Variants in DCLK3 observed in about 807,000 individuals in gnomAD.
DCLK3 encodes doublecortin like kinase 3.
In DCLK3, 30 loss-of-function variants were observed where a neutral mutation model predicts 46.4. The ratio of observed to expected loss-of-function variants is 0.65; its 90% CI spans 0.48 to 0.88. DCLK3 has a LOEUF of 0.88. Ranked by LOEUF, DCLK3 falls within the 40% of genes least tolerant of loss-of-function variation. DCLK3 has a pLI of 0.00. For missense variants in DCLK3, 846 were observed against 907.1 expected, an observed-to-expected ratio of 0.93 and a Z score of 0.87; for synonymous variants, 401 against 339.2, an observed-to-expected ratio of 1.18 and a Z score of -2.00.
intron 1 of DCLK3, among the ~76,000 whole-genome samples, chr3:36,743,191 A>G (rs535103936): frequency 2.8e-4 from 42 of 148,788 alleles, no homozygotes; most frequent in Non-Finnish European, 4.4e-5. Flanking sequence ...ACCAAAGGAA[A>G]TGATCATTGG....
rs945160669 is a variant in DCLK3 at position 36,745,122 on chromosome 3, C to T, written c.83-6038G>A. ...TTAACCAAGTTTCCTGTCTAATTTA[C>T]TTATAATTACTTTTCTCTGTTATAA... On this transcript the variant is annotated intron_variant, in intron 1 of 4. Transcript: ENST00000636136. Among the ~76,000 whole-genome samples the T allele has an allele frequency of 4.7e-4, 72 of 152,176 alleles. 1 individual carries two copies. The highest frequency in any genetic ancestry group is 1.6e-3 in the African/African-American group (67 of 41,452).
At chr3:36,745,402 T>C (rs1701384918) in intron 1 of DCLK3, among the ~76,000 whole-genome samples, 1 of 152,196 alleles carries the variant, frequency 6.6e-6, no homozygotes. Context: ...AGGACTCAAG[T>C]AATACATACT....
rs1190712853 is a variant in DCLK3, at chr3:36,738,405, T to C, written c.762A>G (p.Leu254=). 6.7e-7 allele frequency: 1 copy of C among 1,485,568 alleles called. No individual in the cohort carries two copies. Among genetic ancestry groups the C allele is most frequent in the Non-Finnish European group, 8.9e-7 (1 of 1,120,102 alleles). 92.0% of individuals were successfully genotyped at this position (1,485,568 alleles called of 1,614,324 possible). A position where few individuals can be genotyped will look rare whatever the true frequency, so the allele number is the denominator to read the frequency against. The change falls in exon 2 of 5, where the codon CTA becomes CTG. Residue 254 remains leucine, a synonymous_variant. Transcript: ENST00000636136. ...TCTTCTGGGTCCTCGCTCTGTCATC[T>C]AGTGAAAGCTCCTCGGGGATCTTCC... The part of the protein sequence containing the change: ...HQGKIPEELS[L]DDRARTQKKW...
intron 1 of DCLK3, among the ~76,000 whole-genome samples, chr3:36,752,452 C>T (rs1701450458): frequency 6.6e-6 from 1 of 152,144 alleles, no homozygotes; most frequent in Non-Finnish European, 1.5e-5. Flanking sequence ...CACCATTGCC[C>T]AAAATTATGA....
At chr3:36,750,463 C>T (rs1289647065) in intron 1 of DCLK3, among the ~76,000 whole-genome samples, 1 of 152,212 alleles carries the variant, frequency 6.6e-6, no homozygotes, top group African/African-American at 2.4e-5. Context: ...TGGAGGTTTA[C>T]ATCCACCAGA....
rs193042229 is a variant in DCLK3 at position 36,726,167 on chromosome 3, C to T, written c.1960-4508G>A. 6.6e-5 allele frequency among the ~76,000 whole-genome samples: 10 copies of T among 152,110 alleles called. No individual in the cohort carries two copies. The East Asian group carries it at 1.6e-3, about 24-fold the overall frequency. On this transcript the variant is annotated intron_variant, in intron 2 of 4. Coordinates refer to ENST00000636136, the MANE Select transcript of DCLK3 (RefSeq NM_001394672.2). ...CAGCAAGTAAAAGATGCATCGGTGCCGCCTGCCATTAAATAAGTTTTCCAG... is the reference window on the plus strand; with the variant it reads ...CAGCAAGTAAAAGATGCATCGGTGCTGCCTGCCATTAAATAAGTTTTCCAG...
In DCLK3 at chr3:36,738,644, G is replaced by C; in HGVS notation, c.523C>G (p.Leu175Val). Residue 175 changes from leucine to valine, a missense_variant, in exon 2 of 5, where the codon CTG becomes GTG. By Grantham distance (32) the Leu-to-Val change is conservative. Around this residue, in one of 3 missense-constraint regions of DCLK3, gnomAD observed 553 missense variants for 543.0 expected, o/e 1.02. Coordinates refer to ENST00000636136, the MANE Select transcript of DCLK3 (RefSeq NM_001394672.2). ...DAFIAMGKEP[L>V]TLKSIQVAVE... ...GCCACCTGAATGCTCTTCAGTGTCA[G>C]TGGTTCTTTGCCCATAGCTATGAAA... is the stretch of plus-strand genomic sequence containing the variant. 1 of 1,335,406 alleles carries C rather than the reference G, an allele frequency of 7.5e-7. No homozygotes were observed. The highest frequency in any genetic ancestry group is 9.7e-7 in the Non-Finnish European group (1 of 1,035,382). 82.7% of individuals were successfully genotyped at this position (1,335,406 alleles called of 1,614,324 possible). A position where few individuals can be genotyped will look rare whatever the true frequency, so the allele number is the denominator to read the frequency against.
chr3:36,715,371 T>C lies in DCLK3; in HGVS notation c.2411A>G (p.His804Arg). ...AACCCTCTTGTGCTGGCTCCGGAAG[T>C]GACCCTCGCTGCTGGGGGACACCTG... ...QKQVSPSSEG[H>R]FRSQHKRVVE... Residue 804 changes from histidine to arginine, a missense_variant, in exon 5 of 5, where the codon CAC becomes CGC. By Grantham distance (29) the His-to-Arg change is conservative. Coordinates refer to ENST00000636136, the MANE Select transcript of DCLK3 (RefSeq NM_001394672.2). 2 of 1,614,178 alleles carry C rather than the reference T, an allele frequency of 1.2e-6. No individual in the cohort carries two copies. The highest frequency in any genetic ancestry group is 1.7e-6 in the Non-Finnish European group (2 of 1,180,026).
chr3:36,750,750 C>T (rs1240809470), intron 1 of DCLK3, among the ~76,000 whole-genome samples: 1 of 152,136 alleles, frequency 6.6e-6, no homozygotes, highest in East Asian at 1.9e-4. Context: ...AGCCCAAGGC[C>T]ACACAGCTAG....
At chr3:36,719,110 A>G (rs1701025204) in intron 3 of DCLK3, among the ~76,000 whole-genome samples, 3 of 152,148 alleles carry the variant, frequency 2.0e-5, no homozygotes, top group Non-Finnish European at 4.4e-5. Context: ...GCTGTAAGGA[A>G]TTTTCTGATG....
intron 3 of DCLK3, among the ~76,000 whole-genome samples, chr3:36,719,164 A>G (rs969390281): frequency 6.6e-6 from 1 of 152,212 alleles, no homozygotes; most frequent in African/African-American, 2.4e-5. Flanking sequence ...TATATTCCTA[A>G]AATAACCTTC....
In DCLK3 at chr3:36,738,450, C is replaced by G. The variant is rs777544165; in HGVS notation, c.717G>C (p.Lys239Asn). 6.8e-7 allele frequency: 1 copy of G among 1,477,434 alleles called. No homozygotes were observed. The highest frequency in any genetic ancestry group is 2.5e-5 in the East Asian group (1 of 40,160). The allele number at this position is 1,477,434 out of a possible 1,614,324, so 91.5% of individuals were successfully genotyped here. A position where few individuals can be genotyped will look rare whatever the true frequency, so the allele number is the denominator to read the frequency against. Residue 239 changes from lysine (K) to asparagine (N), a missense_variant, in exon 2 of 5, where the codon AAG becomes AAC. Transcript: ENST00000636136. ...TCTTCCCCTGGTGCCTCATGGCTGC[C>G]TTGCATCCTGCAACTTCGCTGCAGC... ...PKSCSEVAGC[K>N]AAMRHQGKIP...
At chr3:36,728,627 G>T (rs1205909623) in intron 2 of DCLK3, among the ~76,000 whole-genome samples, 1 of 152,250 alleles carries the variant, frequency 6.6e-6, no homozygotes, top group Non-Finnish European at 1.5e-5. Context: ...TAACCCCTGG[G>T]TTCTCAGGCC....
intron 1 of DCLK3, among the ~76,000 whole-genome samples, chr3:36,757,057 A>G (rs1017553476): frequency 6.6e-6 from 1 of 152,094 alleles, no homozygotes; most frequent in Non-Finnish European, 1.5e-5. Flanking sequence ...GCTTCCCTCC[A>G]TCAGTTGGTG....
At chr3:36,743,273 C>CAAAA (rs11391557) in intron 1 of DCLK3, among the ~76,000 whole-genome samples, 3 of 117,900 alleles carry the variant, frequency 2.5e-5, no homozygotes, top group Admixed American at 9.0e-5. Context: ...TCCCAAAATC[C>CAAAA]AAAAAAAAAA....
intron 1 of DCLK3, among the ~76,000 whole-genome samples, chr3:36,744,917 A>G (rs1265606834): frequency 6.6e-6 from 1 of 152,222 alleles, no homozygotes; most frequent in African/African-American, 2.4e-5. Flanking sequence ...GGGTGAGCCA[A>G]TAAACTCAGT....
chr3:36,746,352 C>T (rs1441734642), intron 1 of DCLK3, among the ~76,000 whole-genome samples: 1 of 152,260 alleles, frequency 6.6e-6, no homozygotes, highest in African/African-American at 2.4e-5. Context: ...ACTGCTCCAT[C>T]TCATGATAAC....
rs937363439 is a variant in DCLK3, at chr3:36,739,051, T to C, written c.116A>G (p.Tyr39Cys). The change falls in exon 2 of 5, where the codon TAT becomes TGT. Residue 39 changes from tyrosine to cysteine, a missense_variant. Transcript: ENST00000636136. ...CCGCTCTGTGATTCTCGAGCTTAAATATTTTAGAGAATGGTCACATAGGCC... is the reference window on the plus strand; with the variant it reads ...CCGCTCTGTGATTCTCGAGCTTAAACATTTTAGAGAATGGTCACATAGGCC... ...QQGLCDHSLK[Y>C]LSSRITERKL... is the part of the protein sequence containing the mutation. 1.8e-5 allele frequency: 7 copies of C among 398,624 alleles called. No individual in the cohort carries two copies. The Admixed American group carries it at 1.8e-4, about 10-fold the overall frequency. 24.7% of individuals were successfully genotyped at this position (398,624 alleles called of 1,614,324 possible).
At chr3:36,739,423 T>C (rs907700749) in intron 1 of DCLK3, among the ~76,000 whole-genome samples, 15 of 152,198 alleles carry the variant, frequency 9.9e-5, no homozygotes, top group Admixed American at 6.5e-4. Flanking sequence ...TTCCCATGTA[T>C]TGTGGGAGAA....
Sources: allele counts gnomAD v4.1 joint callset (sites outside exome capture counted in the v4.1 genomes callset), GRCh38; gene constraint gnomAD v4.1.1; regional missense constraint gnomAD v4.1.1; transcripts MANE v1.5; gene names NCBI Gene and HGNC (gene_info 2026-07-23, HGNC 2026-07-21).